The following ABCB11 variants were observed in gnomAD, a reference collection of about 807,000 sequenced individuals.
ABCB11 encodes ATP binding cassette subfamily B member 11.
Under a neutral mutation model 148.0 loss-of-function variants are expected in ABCB11, and 95 were observed. That is an observed-to-expected ratio of 0.64 (90% CI 0.54 to 0.76). ABCB11 has a LOEUF of 0.76. ABCB11 is among the 30% of genes least tolerant of loss of function. ABCB11 has a pLI of 0.00. For missense variants in ABCB11, 1,523 were observed against 1,617.8 expected, an observed-to-expected ratio of 0.94 and a Z score of 1.01; for synonymous variants, 591 against 555.4, an observed-to-expected ratio of 1.06 and a Z score of -0.90.
chr2:168,952,397 G>T (rs191792223), intron 19 of ABCB11, among the ~76,000 whole-genome samples: 4 of 151,118 alleles, frequency 2.6e-5, no homozygotes, highest in African/African-American at 7.3e-5. Flanking sequence ...TACTGACTCA[G>T]TCTTGCTACT....
At chr2:168,947,166 T>C (rs1231045448) in intron 19 of ABCB11, among the ~76,000 whole-genome samples, 3 of 151,786 alleles carry the variant, frequency 2.0e-5, no homozygotes, top group Non-Finnish European at 4.4e-5. Context: ...GTCAAATGCG[T>C]AGATTAACCT....
At position 168,921,983 on chromosome 2, in the gene ABCB11, G is replaced by C. The variant is rs1438140977; in HGVS notation, c.*1639C>G. On this transcript the variant is annotated 3_prime_UTR_variant, in exon 28 of 28. Coordinates refer to ENST00000650372, the MANE Select transcript of ABCB11 (RefSeq NM_003742.4). ...CCTGCCTCAGCCTCCTGAGTAGCTG[G>C]GACTACAGGCGCCCGCCACCACGCC... 6.6e-6 allele frequency among the ~76,000 whole-genome samples: 1 copy of C among 151,522 alleles called. No homozygotes were observed. Among genetic ancestry groups the C allele is most frequent in the African/African-American group, 2.4e-5 (1 of 41,192 alleles).
intron 24 of ABCB11, among the ~76,000 whole-genome samples, chr2:168,931,579 A>G (rs1181466775): frequency 6.6e-6 from 1 of 152,254 alleles, no homozygotes; most frequent in Admixed American, 6.5e-5. Context: ...TTTTCAGGAC[A>G]TCCACATAAG....
At chr2:168,938,703 AT>A (rs980949344) in intron 21 of ABCB11, among the ~76,000 whole-genome samples, 2 of 152,170 alleles carry the variant, frequency 1.3e-5, no homozygotes, top group South Asian at 2.1e-4. Flanking sequence ...TTTTACCACA[AT>A]TTTTTTTAAA....
At chr2:168,979,814 C>A in intron 11 of ABCB11, 52 bp downstream of exon 11, 4 of 1,095,308 alleles carry the variant, frequency 3.7e-6, no homozygotes, top group Admixed American at 2.3e-5. Context: ...ATTCTGTGCC[C>A]CACCCCCCAG....
chr2:168,957,768 C>T (rs529909675), intron 19 of ABCB11, among the ~76,000 whole-genome samples, 196 bp downstream of exon 19: 12 of 151,522 alleles, frequency 7.9e-5, no homozygotes, highest in African/African-American at 1.5e-4. Context: ...GAGTGCCCTG[C>T]GAGCCCAAAT....
intron 17 of ABCB11, 27 bp downstream of exon 17, chr2:168,968,400 G>A (rs1359566571): frequency 3.1e-6 from 5 of 1,603,036 alleles, no homozygotes; most frequent in Non-Finnish European, 4.3e-6. Flanking sequence ...TGGAAAGCTT[G>A]TAATCTGCCC....
At chr2:168,977,813 G>A (rs1322301996) in intron 11 of ABCB11, among the ~76,000 whole-genome samples, 1 of 152,124 alleles carries the variant, frequency 6.6e-6, no homozygotes, top group Non-Finnish European at 1.5e-5. Context: ...CAGATCTCAT[G>A]AGAACTCCCT....
chr2:168,942,755 C>A (rs1489635929), intron 21 of ABCB11, among the ~76,000 whole-genome samples: 2 of 151,206 alleles, frequency 1.3e-5, no homozygotes, highest in Non-Finnish European at 3.0e-5. Context: ...TATCTATCTA[C>A]AAAAATTAAA....
intron 1 of ABCB11, among the ~76,000 whole-genome samples, chr2:169,030,257 TA>T (rs1315240492): frequency 6.6e-6 from 1 of 151,978 alleles, no homozygotes; most frequent in African/African-American, 2.4e-5. Context: ...GCTTGCAATC[TA>T]GAGTGGGGTG....
intron 18 of ABCB11, among the ~76,000 whole-genome samples, chr2:168,962,196 C>T (rs1272204577): frequency 6.6e-6 from 1 of 151,628 alleles, no homozygotes; most frequent in Non-Finnish European, 1.5e-5. Flanking sequence ...CATTGGCTCT[C>T]CTATCATTTT....
At chr2:168,969,056 C>A (rs1693443843) in intron 16 of ABCB11, among the ~76,000 whole-genome samples, 1 of 149,740 alleles carries the variant, frequency 6.7e-6, no homozygotes, top group East Asian at 2.0e-4. Context: ...AGCCAATAAG[C>A]ATGAAGCTTC....
At chr2:168,931,102 C>T (rs1232514617) in intron 24 of ABCB11, among the ~76,000 whole-genome samples, 4 of 152,196 alleles carry the variant, frequency 2.6e-5, no homozygotes, top group African/African-American at 9.7e-5. Context: ...TATTCCCAGT[C>T]TAACATAAGG....
chr2:168,986,311 T>C (rs1455726238), intron 9 of ABCB11, 27 bp from the exon 10 acceptor site: 1 of 1,596,712 alleles, frequency 6.3e-7, no homozygotes, highest in East Asian at 2.2e-5. Context: ...CTTGAGTCAA[T>C]TTCGGCAGAA....
intron 1 of ABCB11, among the ~76,000 whole-genome samples, chr2:169,021,571 C>T (rs1280934709): frequency 1.3e-5 from 2 of 151,496 alleles, no homozygotes; most frequent in African/African-American, 4.8e-5. Flanking sequence ...GATAAACAGA[C>T]AAAAAATTAG....
intron 23 of ABCB11, among the ~76,000 whole-genome samples, chr2:168,933,983 C>T (rs1244550727): frequency 6.6e-6 from 1 of 152,106 alleles, no homozygotes; most frequent in African/African-American, 2.4e-5. Flanking sequence ...GAACTCCTGA[C>T]CTCAAGTGAT....
intron 6 of ABCB11, 45 bp downstream of exon 6, chr2:168,996,590 T>C: frequency 8.5e-7 from 1 of 1,183,032 alleles, no homozygotes. Flanking sequence ...GTAGTGTCTT[T>C]GAGGTCAGAT....
chr2:169,025,877 C>T (rs147299192), intron 1 of ABCB11, among the ~76,000 whole-genome samples: 8 of 152,284 alleles, frequency 5.3e-5, no homozygotes, highest in African/African-American at 1.9e-4. Flanking sequence ...TGTGGGGCAT[C>T]TCAGTAAAAT....
intron 18 of ABCB11, among the ~76,000 whole-genome samples, chr2:168,961,919 T>A (rs1301122165): frequency 6.6e-6 from 1 of 151,666 alleles, no homozygotes; most frequent in Non-Finnish European, 1.5e-5. Context: ...TCCATCAACA[T>A]GAGAAAAAGA....
Sources: gnomAD v4.1 joint callset for allele counts (sites outside exome capture counted in the v4.1 genomes callset) on GRCh38, gnomAD v4.1.1 for gene constraint, MANE v1.5 for transcripts, NCBI Gene and HGNC (gene_info 2026-07-23, HGNC 2026-07-21) for gene names.